The following SBF2 variants were observed in gnomAD, a reference collection of about 807,000 sequenced individuals.
SBF2 encodes myotubularin-related protein 13.
SBF2 carries 112 observed loss-of-function variants against 225.2 expected under a neutral mutation model. That is an observed-to-expected ratio of 0.50 (90% CI 0.43 to 0.58). The LOEUF (loss-of-function observed/expected upper bound fraction) is 0.58, where lower values mean the gene tolerates loss of function less well. Among genes scored for constraint, SBF2 ranks in the 20% least tolerant of loss-of-function variants. The pLI is 0.00. For missense variants in SBF2, 1,996 were observed against 2,206.2 expected, an observed-to-expected ratio of 0.90 and a Z score of 1.91; for synonymous variants, 763 against 773.3, an observed-to-expected ratio of 0.99 and a Z score of 0.22.
intron 1 of SBF2, among the ~76,000 whole-genome samples, chr11:10,215,030 T>A (rs924775708): frequency 9.9e-5 from 15 of 152,170 alleles, no homozygotes; most frequent in African/African-American, 3.4e-4. Flanking sequence ...ACCATCAGTG[T>A]AGGAAGCTGG....
rs1275038475 is a variant in SBF2 at position 10,080,287 on chromosome 11, A to G, written c.142-37306T>C. ...AAAAAAAAAGTAAACCCCAAATTTT[A>G]TATCCTGCTAGAATAAGTAAAGGAG... On this transcript the variant is annotated intron_variant, in intron 2 of 39. Transcript: ENST00000256190. Among the ~76,000 whole-genome samples, 3 of 149,604 alleles carry G rather than the reference A, an allele frequency of 2.0e-5. No individual in the cohort carries two copies. In the East Asian group the frequency reaches 5.8e-4, roughly 29 times the overall value.
intron 2 of SBF2, among the ~76,000 whole-genome samples, chr11:10,131,383 C>T (rs1440213077): frequency 6.6e-6 from 1 of 152,014 alleles, no homozygotes; most frequent in Non-Finnish European, 1.5e-5. Context: ...GTCTTTTGCA[C>T]ATTTTCTAAA....
intron 6 of SBF2, among the ~76,000 whole-genome samples, chr11:10,006,991 G>A (rs373752172): frequency 6.6e-4 from 101 of 152,318 alleles, no homozygotes; most frequent in African/African-American, 2.2e-3. Context: ...CGGCACAAGA[G>A]ACCCATACGA....
intron 2 of SBF2, among the ~76,000 whole-genome samples, chr11:10,046,879 C>CAA (rs34571490): frequency 0.13 from 12,582 of 99,358 alleles, 730 homozygotes; most frequent in Middle Eastern, 0.15. Context: ...TCTGAAAGGA[C>CAA]AAAAAAAAAA....
intron 20 of SBF2, 148 bp from the exon 21 acceptor site, chr11:9,852,897 A>T (rs948127727): frequency 1.4e-6 from 1 of 695,006 alleles, no homozygotes; most frequent in Non-Finnish European, 2.6e-6. Flanking sequence ...CAGCAATTCC[A>T]CTTCTACATA....
At chr11:10,185,846 T>C (rs1374676514) in intron 2 of SBF2, among the ~76,000 whole-genome samples, 1 of 152,150 alleles carries the variant, frequency 6.6e-6, no homozygotes, top group East Asian at 1.9e-4. Flanking sequence ...TTCCAACCTT[T>C]TGCATACAGG....
Position 10,221,381 on chromosome 11 carries a change from G to A in SBF2, c.56-27394C>T, listed in dbSNP as rs79513692. Among the ~76,000 whole-genome samples, 867 of 152,020 alleles carry A rather than the reference G, an allele frequency of 5.7e-3. 28 individuals are homozygous for A. The East Asian group carries it at 0.098, about 17-fold the overall frequency. On this transcript the variant is annotated intron_variant, in intron 1 of 39. Coordinates refer to ENST00000256190, the MANE Select transcript of SBF2 (RefSeq NM_030962.4). ...GATCTGCCCGCCTCAGCCTCCTAAAGTGCTGGGATTACAGGCATGAGCCAC... is the reference window on the plus strand; with the variant it reads ...GATCTGCCCGCCTCAGCCTCCTAAAATGCTGGGATTACAGGCATGAGCCAC...
At chr11:10,260,445 G>A (rs981498742) in intron 1 of SBF2, among the ~76,000 whole-genome samples, 1 of 151,842 alleles carries the variant, frequency 6.6e-6, no homozygotes, top group African/African-American at 2.4e-5. Context: ...GGTCGGGCAC[G>A]GTGGCTCACG....
At position 10,031,112 on chromosome 11, in the gene SBF2, G is replaced by T. The variant is rs375094335; in HGVS notation, c.338C>A (p.Ala113Glu). The T allele has an allele frequency of 2.5e-6, 4 of 1,613,322 alleles. No homozygotes were observed. The highest frequency in any genetic ancestry group is 1.3e-5 in the African/African-American group (1 of 74,872). ...EAKVSGLIQP[A>E]EVFAPKSLVL... Reference sequence around the variant, plus strand: ...CAGGCTTTTGGGAGCAAACACTTCTGCAGGCTGAATTAAACCAGACACTTT... The same window carrying T: ...CAGGCTTTTGGGAGCAAACACTTCTTCAGGCTGAATTAAACCAGACACTTT... Residue 113 changes from alanine to glutamate, a missense_variant, in exon 4 of 40, where the codon GCA becomes GAA. By Grantham distance (107) the Ala-to-Glu change is moderately radical. Transcript: ENST00000256190.
chr11:10,092,985 T>C (rs994356306), intron 2 of SBF2, among the ~76,000 whole-genome samples: 4 of 151,970 alleles, frequency 2.6e-5, no homozygotes, highest in Admixed American at 6.6e-5. Flanking sequence ...GATTCAAGTA[T>C]TGAAGTCACA....
chr11:9,955,680 C>T (rs1054219664), intron 16 of SBF2, among the ~76,000 whole-genome samples: 4 of 151,994 alleles, frequency 2.6e-5, no homozygotes, highest in African/African-American at 9.7e-5. Context: ...TGTAAAGAAT[C>T]TAATAGCAGT....
intron 17 of SBF2, among the ~76,000 whole-genome samples, chr11:9,862,977 C>A (rs1857888256): frequency 1.3e-5 from 2 of 151,676 alleles, no homozygotes; most frequent in Admixed American, 1.3e-4. Context: ...ATTCTGGCAA[C>A]AATATTTACA....
At chr11:10,249,630 A>G (rs1445468376) in intron 1 of SBF2, among the ~76,000 whole-genome samples, 8 of 152,006 alleles carry the variant, frequency 5.3e-5, no homozygotes, top group Admixed American at 3.3e-4. Flanking sequence ...TACCTTTAAC[A>G]TATTTAATAA....
At chr11:9,918,512 C>A (rs1863306361) in intron 16 of SBF2, among the ~76,000 whole-genome samples, 1 of 152,048 alleles carries the variant, frequency 6.6e-6, no homozygotes, top group Admixed American at 6.6e-5. Flanking sequence ...CGCCACCATG[C>A]CTGGCTAATT....
intron 2 of SBF2, among the ~76,000 whole-genome samples, chr11:10,172,444 C>G (rs776217699): frequency 4.6e-5 from 7 of 152,076 alleles, no homozygotes; most frequent in Non-Finnish European, 7.4e-5. Context: ...CTCCACCTCC[C>G]AGGTTCAAGG....
chr11:9,913,663 T>TAAAAA, intron 16 of SBF2, among the ~76,000 whole-genome samples: 1 of 150,996 alleles, frequency 6.6e-6, no homozygotes, highest in South Asian at 2.1e-4. Flanking sequence ...TAAAATAAAA[T>TAAAAA]AAAATAAAAT....
At chr11:10,079,030 C>G (rs1469658574) in intron 2 of SBF2, among the ~76,000 whole-genome samples, 1 of 152,084 alleles carries the variant, frequency 6.6e-6, no homozygotes, top group Admixed American at 6.5e-5. Context: ...TCAACATACA[C>G]CACAGATGCA....
intron 6 of SBF2, among the ~76,000 whole-genome samples, chr11:10,023,428 T>G (rs945662896): frequency 5.3e-5 from 8 of 152,152 alleles, no homozygotes; most frequent in African/African-American, 1.9e-4. Flanking sequence ...AATTCAGTGG[T>G]TTTTAGTGTA....
intron 6 of SBF2, among the ~76,000 whole-genome samples, chr11:10,015,038 G>C (rs1162838228): frequency 6.6e-6 from 1 of 152,168 alleles, no homozygotes; most frequent in African/African-American, 2.4e-5. Context: ...GGACGCTGAC[G>C]TAGGAGGACT....
Sources: allele counts gnomAD v4.1 joint callset (sites outside exome capture counted in the v4.1 genomes callset), GRCh38; gene constraint gnomAD v4.1.1; transcripts MANE v1.5; gene names NCBI Gene and HGNC (gene_info 2026-07-23, HGNC 2026-07-21).